The following IQSEC3 variants were observed in gnomAD, a reference collection of about 807,000 sequenced individuals.
IQSEC3 encodes the protein IQ motif and Sec7 domain ArfGEF 3.
IQSEC3 carries 50 observed loss-of-function variants against 105.4 expected under a neutral mutation model. The observed-to-expected ratio is 0.47, with a 90% CI of 0.38 to 0.60. The LOEUF (loss-of-function observed/expected upper bound fraction) is 0.60. IQSEC3 is among the 20% of genes least tolerant of loss of function. IQSEC3 has a pLI of 0.00. For missense variants in IQSEC3, 1,415 were observed against 1,630.0 expected, an observed-to-expected ratio of 0.87 and a Z score of 2.27; for synonymous variants, 708 against 746.0, an observed-to-expected ratio of 0.95 and a Z score of 0.83.
At chr12:98,312 C>T (rs1555075194) in intron 1 of IQSEC3, among the ~76,000 whole-genome samples, 1 of 152,194 alleles carries the variant, frequency 6.6e-6, no homozygotes, top group East Asian at 1.9e-4. Flanking sequence ...TCCTGGCTGC[C>T]TTTAGAATCA....
intron 1 of IQSEC3, among the ~76,000 whole-genome samples, chr12:73,000 C>T (rs1378813936): frequency 1.5e-5 from 2 of 137,174 alleles, no homozygotes; most frequent in Non-Finnish European, 3.1e-5. Flanking sequence ...GAGCTGAGAT[C>T]GTGCCACTGT....
chr12:75,994 G>A (rs1297455824), intron 1 of IQSEC3, among the ~76,000 whole-genome samples: 35 of 152,324 alleles, frequency 2.3e-4, no homozygotes, highest in African/African-American at 8.2e-4. Flanking sequence ...TATGAGCAGG[G>A]AGAGCCCTCT....
chr12:155,657 C>T (rs782716783), intron 5 of IQSEC3, among the ~76,000 whole-genome samples: 16 of 152,112 alleles, frequency 1.1e-4, no homozygotes, highest in South Asian at 2.1e-4. Context: ...GCAGTGGGCA[C>T]GAATGGAAGC....
chr12:155,132 C>T (rs568986754), intron 5 of IQSEC3, among the ~76,000 whole-genome samples: 1 of 152,368 alleles, frequency 6.6e-6, no homozygotes, highest in East Asian at 1.9e-4. Context: ...GGGCCTTTGG[C>T]ACTCACGTAG....
At chr12:130,510 C>G (rs1555084659) in intron 3 of IQSEC3, among the ~76,000 whole-genome samples, 1 of 152,202 alleles carries the variant, frequency 6.6e-6, no homozygotes, top group African/African-American at 2.4e-5. Context: ...GGAACAGGCC[C>G]CATGGAAGTG....
Position 165,443 on chromosome 12 carries a change from C to T in IQSEC3, c.2719C>T (p.Leu907Phe). The change falls in exon 10 of 14, where the codon CTT (leucine) becomes TTT (phenylalanine). Residue 907 changes from leucine to phenylalanine, a missense_variant. Transcript: ENST00000538872. ...TCCCTCTCCTGAACAGATTCTCAAACTTTGCCCGAAGAAGAAGAGCTCCTC... is the reference window on the plus strand; with the variant it reads ...TCCCTCTCCTGAACAGATTCTCAAATTTTGCCCGAAGAAGAAGAGCTCCTC... ...LFNDLLVILK[L>F]CPKKKSSSTY... 2 of 1,614,038 alleles carry T rather than the reference C, an allele frequency of 1.2e-6. No homozygotes were observed. Among genetic ancestry groups the T allele is most frequent in the Non-Finnish European group, 8.5e-7 (1 of 1,179,960 alleles).
At chr12:90,520 A>T (rs782209486) in intron 1 of IQSEC3, among the ~76,000 whole-genome samples, 2 of 152,298 alleles carry the variant, frequency 1.3e-5, no homozygotes, top group Non-Finnish European at 2.9e-5. Context: ...TAAGGCATGG[A>T]TTGAAGTCTA....
chr12:166,130 T>TGTGGGGCTGCGC (rs1369165164), intron 11 of IQSEC3: 1 of 494,256 alleles, frequency 2.0e-6, no homozygotes, highest in Non-Finnish European at 3.5e-6. Context: ...TCAGCAGGCA[T>TGTGGGGCTGCGC]GTGGGGCTGC....
At chr12:147,541 C>T (rs1412631549) in intron 5 of IQSEC3, among the ~76,000 whole-genome samples, 1 of 152,146 alleles carries the variant, frequency 6.6e-6, no homozygotes, top group Non-Finnish European at 1.5e-5. Flanking sequence ...ATCCAGCCTC[C>T]GTGCGTCATT....
intron 11 of IQSEC3, among the ~76,000 whole-genome samples, chr12:168,016 C>T (rs10505717): frequency 0.29 from 44,675 of 152,058 alleles, 6,892 homozygotes; most frequent in South Asian, 0.43. Context: ...ATTTAGGCAA[C>T]CAGGACAAAT....
intron 1 of IQSEC3, among the ~76,000 whole-genome samples, chr12:69,116 T>C (rs1316911418): frequency 6.6e-6 from 1 of 152,212 alleles, no homozygotes; most frequent in Non-Finnish European, 1.5e-5. Flanking sequence ...ATTTTTCCAG[T>C]CCCCTTCCCT....
chr12:167,509 GA>G (rs1555098834), intron 11 of IQSEC3: 1 of 151,194 alleles, frequency 6.6e-6, no homozygotes, highest in Non-Finnish European at 1.5e-5. Flanking sequence ...TCACTGGAGA[GA>G]AAGGGAAGGA....
At chr12:126,155 G>A (rs1030766369) in intron 3 of IQSEC3, among the ~76,000 whole-genome samples, 3 of 152,222 alleles carry the variant, frequency 2.0e-5, no homozygotes, top group Admixed American at 6.5e-5. Context: ...ACGTCCAGGG[G>A]CTCTGCTCCT....
Position 178,155 on chromosome 12 carries a change from G to T in IQSEC3, c.*3122G>T, listed in dbSNP as rs1478509259. On this transcript the variant is annotated 3_prime_UTR_variant, in exon 14 of 14. Transcript: ENST00000538872. ...TGCACAGGTGTCTTGATCCAGCCCT[G>T]CGTCTTCGAGCCCCTGTGCCACCGG... 6.6e-6 allele frequency: 1 copy of T among 152,148 alleles called. No homozygotes were observed. Among genetic ancestry groups the T allele is most frequent in the Non-Finnish European group, 1.5e-5 (1 of 68,126 alleles). The allele number at this position is 152,148 out of a possible 1,614,324, so 9.4% of individuals were successfully genotyped here. A position where few individuals can be genotyped will look rare whatever the true frequency, so the allele number is the denominator to read the frequency against.
rs1866557751 is a variant in IQSEC3, at chr12:152,954, C to T, written c.2154-4071C>T. 6.6e-6 allele frequency among the ~76,000 whole-genome samples: 1 copy of T among 152,098 alleles called. No homozygotes were observed. Among genetic ancestry groups the T allele is most frequent in the African/African-American group, 2.4e-5 (1 of 41,418 alleles). ...AGGCCACCCTGGGTGGAGGCTGCAGCATGGATTTGGTAAACTGCCCACACT... is the reference window on the plus strand; with the variant it reads ...AGGCCACCCTGGGTGGAGGCTGCAGTATGGATTTGGTAAACTGCCCACACT... On this transcript the variant is annotated intron_variant, in intron 5 of 13. Coordinates refer to ENST00000538872, the MANE Select transcript of IQSEC3 (RefSeq NM_001170738.2). The surrounding 1 kb of genome is among the most constrained non-coding windows in gnomAD (Gnocchi z 4.8).
intron 7 of IQSEC3, among the ~76,000 whole-genome samples, chr12:157,983 G>A (rs1357127884): frequency 6.6e-6 from 1 of 152,210 alleles, no homozygotes; most frequent in Admixed American, 6.5e-5. Context: ...CAGAGCTGGC[G>A]GCTCAAGTGG....
rs745889248 is a variant in IQSEC3 at position 130,874 on chromosome 12, C to T, written c.903+4962C>T. ...TCTCTCTGCTCCTCAGCCTCACACC[C>T]GGGCTCGCCAGGCCAAGTTCTGGAG... On this transcript the variant is annotated intron_variant, in intron 3 of 13. Coordinates refer to ENST00000538872, the MANE Select transcript of IQSEC3 (RefSeq NM_001170738.2). 2.1e-3 allele frequency among the ~76,000 whole-genome samples: 324 copies of T among 152,148 alleles called. 5 individuals are homozygous for T. Among genetic ancestry groups the T allele is most frequent in the Non-Finnish European group, 7.2e-4 (49 of 68,006 alleles).
chr12:122,434 G>A (rs1555082130), intron 2 of IQSEC3, among the ~76,000 whole-genome samples: 1 of 152,246 alleles, frequency 6.6e-6, no homozygotes, highest in Non-Finnish European at 1.5e-5. Flanking sequence ...ATGTGAGAGA[G>A]AGATTGTGTG....
At chr12:165,665 G>A in intron 10 of IQSEC3, 64 bp from the exon 11 acceptor site, 1 of 1,599,018 alleles carries the variant, frequency 6.3e-7, no homozygotes, top group Non-Finnish European at 8.5e-7. Context: ...CTCATGTCTG[G>A]CTGGCTCTGG....
Sources: gnomAD v4.1 joint callset for allele counts (sites outside exome capture counted in the v4.1 genomes callset) on GRCh38, gnomAD v4.1.1 for gene constraint, Gnocchi (gnomAD v3.1) non-coding constraint, MANE v1.5 for transcripts, NCBI Gene and HGNC (gene_info 2026-07-23, HGNC 2026-07-21) for gene names.